SZRD1: variants seen among roughly 807,000 people sequenced by gnomAD.
The protein encoded by SZRD1 is SUZ RNA binding domain containing 1, also known as SUZ RNA-binding domain-containing.
In SZRD1, 7 loss-of-function variants were observed where a neutral mutation model predicts 17.6. The observed-to-expected ratio is 0.40, with a 90% confidence interval of 0.23 to 0.75. SZRD1 has a LOEUF of 0.75. Among genes scored for constraint, SZRD1 ranks in the 30% least tolerant of loss-of-function variants. The pLI, the probability that SZRD1 is intolerant of heterozygous loss-of-function variation, is 0.38. For synonymous variants in SZRD1, 77 were observed against 77.9 expected (o/e 0.99, Z 0.06); for missense variants, 178 against 201.8 (o/e 0.88, Z 0.71).
rs933554701 is a variant in SZRD1, at chr1:16,391,371, C to T, written c.52-4C>T. On this transcript the variant is annotated splice_polypyrimidine_tract_variant and splice_region_variant and intron_variant, in intron 1 of 3. Transcript: ENST00000401088. This position sits in a 1 kb window ranked among gnomAD's most constrained non-coding sequence, Gnocchi z 4.3. ...CTCTTTTTATATACATTTTTTTCCT[C>T]TAGGAAATAGACAGACGGTTGGAAA... 1.9e-5 allele frequency: 29 copies of T among 1,541,342 alleles called. No homozygotes were observed. In the Admixed American group the frequency reaches 5.4e-4, roughly 29 times the overall value.
At position 16,368,654 on chromosome 1, in the gene SZRD1, C is replaced by A. The variant is rs535517595; in HGVS notation, c.51+1346C>A. Among the ~76,000 whole-genome samples, 12 of 152,284 alleles carry A rather than the reference C, an allele frequency of 7.9e-5. No homozygotes were observed. The South Asian group carries it at 2.3e-3, about 29-fold the overall frequency. The stretch of plus-strand genomic sequence containing the variant: ...GTCAGTTGGCTCCTTGTTCATTCAA[C>A]CAGCATTTTTGAGTGTCTGCTATAT... On this transcript the variant is annotated intron_variant, in intron 1 of 3. Transcript: ENST00000401088.
rs557153177 is a variant in SZRD1 at position 16,398,092 on chromosome 1, G to A, written c.*2952G>A. 6.5e-6 allele frequency: 5 copies of A among 768,696 alleles called. No homozygotes were observed. The highest frequency in any genetic ancestry group is 7.9e-6 in the Non-Finnish European group (5 of 632,258). The allele number at this position is 768,696 out of a possible 1,614,324, so 47.6% of individuals were successfully genotyped here. On this transcript the variant is annotated 3_prime_UTR_variant, in exon 4 of 4. Transcript: ENST00000401088. ...ACCCTGCACCGCGGGCTCCTGAGTC[G>A]GCAGATTAAGCATTTTATAAATTGT...
chr1:16,391,410 C>T lies in SZRD1; in HGVS notation c.87C>T (p.Ile29=). 1 of 1,549,100 alleles carries T rather than the reference C, an allele frequency of 6.5e-7. No homozygotes were observed. The highest frequency in any genetic ancestry group is 8.7e-7 in the Non-Finnish European group (1 of 1,146,476). ...GACGGTTGGAAAAAAAACTGAAGAT[C>T]ACACAAAAAGAGAGGTAAGGCTGCT... The part of the protein sequence containing the change: ...IDRRLEKKLK[I]TQKESRKSKS... Residue 29 remains isoleucine (I), a synonymous_variant, in exon 2 of 4, where the codon ATC becomes ATT. Coordinates refer to ENST00000401088, the MANE Select transcript of SZRD1 (RefSeq NM_001114600.3). The surrounding 1 kb of genome is among the most constrained non-coding windows in gnomAD (Gnocchi z 4.3).
chr1:16,371,487 A>G (rs1443414221), intron 1 of SZRD1, among the ~76,000 whole-genome samples: 12 of 96,364 alleles, frequency 1.2e-4, no homozygotes, highest in African/African-American at 3.3e-4. Context: ...CCCGAGATGG[A>G]GTCTTGCTCT....
chr1:16,387,330 C>T (rs1292754740), intron 1 of SZRD1: 1 of 456,342 alleles, frequency 2.2e-6, no homozygotes, highest in Middle Eastern at 3.3e-4. Context: ...AGTTTGCTTT[C>T]CTCAGAGGAG....
At chr1:16,378,796 G>A (rs1412299887) in intron 1 of SZRD1, among the ~76,000 whole-genome samples, 3 of 151,666 alleles carry the variant, frequency 2.0e-5, no homozygotes, top group Admixed American at 1.3e-4. Flanking sequence ...GTGCAGTCTC[G>A]GCTCATTACA....
chr1:16,371,761 C>T (rs997142942), intron 1 of SZRD1, among the ~76,000 whole-genome samples: 1 of 151,756 alleles, frequency 6.6e-6, no homozygotes, highest in Non-Finnish European at 1.5e-5. Context: ...GCGCCTGGCC[C>T]CTTTCTTAAG....
chr1:16,385,437 G>A (rs1162145473), intron 1 of SZRD1, among the ~76,000 whole-genome samples: 1 of 152,126 alleles, frequency 6.6e-6, no homozygotes, highest in Admixed American at 6.6e-5. Flanking sequence ...GTAAACATTC[G>A]TACCTGAGAA....
intron 1 of SZRD1, among the ~76,000 whole-genome samples, chr1:16,378,808 C>T (rs1166511701): frequency 6.6e-6 from 1 of 151,498 alleles, no homozygotes; most frequent in Non-Finnish European, 1.5e-5. Context: ...CTCATTACAA[C>T]CTCCACCCTC....
intron 1 of SZRD1, among the ~76,000 whole-genome samples, chr1:16,374,902 G>A (rs2082973859): frequency 6.6e-6 from 1 of 152,118 alleles, no homozygotes; most frequent in African/African-American, 2.4e-5. Flanking sequence ...TTTTGAGACG[G>A]AGTCTAGCTC....
At position 16,391,982 on chromosome 1, in the gene SZRD1, A is replaced by G. The variant is rs2085227639; in HGVS notation, c.101+558A>G. ...ACTTCGGCTTTCTGCTTTTGGGCTT[A>G]GGGAACCTGTTGGTTTTCCATAGGT... On this transcript the variant is annotated intron_variant, in intron 2 of 3. Coordinates refer to ENST00000401088, the MANE Select transcript of SZRD1 (RefSeq NM_001114600.3). The surrounding 1 kb of genome is among the most constrained non-coding windows in gnomAD (Gnocchi z 4.3). 6.6e-6 allele frequency among the ~76,000 whole-genome samples: 1 copy of G among 152,054 alleles called. No individual in the cohort carries two copies.
At position 16,395,672 on chromosome 1, in the gene SZRD1, A is replaced by T. The variant is rs766462307; in HGVS notation, c.*532A>T. 6.4e-6 allele frequency: 1 copy of T among 156,864 alleles called. No individual in the cohort carries two copies. Among genetic ancestry groups the T allele is most frequent in the Non-Finnish European group, 1.4e-5 (1 of 70,518 alleles). The allele number at this position is 156,864 out of a possible 1,614,324, so 9.7% of individuals were successfully genotyped here. The stretch of plus-strand genomic sequence containing the variant: ...TGATTTGCAAGAAAAAGTGCATGGG[A>T]GGGGTTTTAGTGGTTTAATGAATTT... On this transcript the variant is annotated 3_prime_UTR_variant, in exon 4 of 4. Transcript: ENST00000401088.
intron 1 of SZRD1, among the ~76,000 whole-genome samples, chr1:16,370,257 A>T (rs1440617133): frequency 1.4e-5 from 2 of 145,574 alleles, no homozygotes; most frequent in African/African-American, 2.5e-5. Context: ...AGAAGGTCTT[A>T]CTCCATTGCC....
chr1:16,385,090 A>C (rs1352018512), intron 1 of SZRD1, among the ~76,000 whole-genome samples: 1 of 152,232 alleles, frequency 6.6e-6, no homozygotes, highest in Non-Finnish European at 1.5e-5. Context: ...TTCAAAGTCC[A>C]AAGCAAGGGT....
intron 1 of SZRD1, among the ~76,000 whole-genome samples, chr1:16,375,027 G>A (rs777303929): frequency 7.2e-5 from 11 of 151,836 alleles, no homozygotes; most frequent in East Asian, 5.8e-4. Flanking sequence ...ACAGGTGCTC[G>A]CCACTACACC....
chr1:16,391,316 A>C lies in SZRD1; in HGVS notation c.52-59A>C. The C allele has an allele frequency of 7.8e-7, 1 of 1,290,028 alleles. No homozygotes were observed. Among genetic ancestry groups the C allele is most frequent in the Non-Finnish European group, 1.1e-6 (1 of 912,614 alleles). The allele number at this position is 1,290,028 out of a possible 1,614,324, so 79.9% of individuals were successfully genotyped here. ...ACTGCCCTTAGCTCCAAAAATAAAG[A>C]CTAAGTTTTTATTTGAGAGAGATTT... On this transcript the variant is annotated intron_variant, in intron 1 of 3. Coordinates refer to ENST00000401088, the MANE Select transcript of SZRD1 (RefSeq NM_001114600.3). The surrounding 1 kb of genome is among the most constrained non-coding windows in gnomAD (Gnocchi z 4.3).
intron 2 of SZRD1, among the ~76,000 whole-genome samples, chr1:16,392,941 T>C (rs904594025): frequency 6.6e-6 from 1 of 152,252 alleles, no homozygotes; most frequent in African/African-American, 2.4e-5. Flanking sequence ...GTGGCTGTGG[T>C]GAACATGGGG....
At position 16,393,996 on chromosome 1, in the gene SZRD1, C is replaced by T. The variant is rs2085262062; in HGVS notation, c.356+514C>T. ...ATTTTCTGGGTCTCCAGTATGCCCA[C>T]TGTGATGTTTTTGTGAATTTTCTAA... On this transcript the variant is annotated intron_variant, in intron 3 of 3. Coordinates refer to ENST00000401088, the MANE Select transcript of SZRD1 (RefSeq NM_001114600.3). This position sits in a 1 kb window ranked among gnomAD's most constrained non-coding sequence, Gnocchi z 5.6. Among the ~76,000 whole-genome samples, 1 of 152,184 alleles carries T rather than the reference C, an allele frequency of 6.6e-6. No homozygotes were observed. Among genetic ancestry groups the T allele is most frequent in the South Asian group, 2.1e-4 (1 of 4,830 alleles).
chr1:16,373,861 C>T (rs2100698759), intron 1 of SZRD1, among the ~76,000 whole-genome samples: 1 of 152,234 alleles, frequency 6.6e-6, no homozygotes, highest in South Asian at 2.1e-4. Context: ...TTTCAGCCTC[C>T]CGGAGTGCTG....
Sources: gnomAD v4.1 joint callset for allele counts (sites outside exome capture counted in the v4.1 genomes callset) on GRCh38, gnomAD v4.1.1 for gene constraint, Gnocchi (gnomAD v3.1) non-coding constraint, MANE v1.5 for transcripts, NCBI Gene and HGNC (gene_info 2026-07-23, HGNC 2026-07-21) for gene names.